Variants in CACNG2 observed in about 807,000 individuals in gnomAD.
CACNG2 encodes calcium voltage-gated channel auxiliary subunit gamma 2, also known as voltage-dependent calcium channel gamma-2 subunit.
CACNG2 carries 3 observed loss-of-function variants against 25.9 expected under a neutral mutation model. The ratio of observed to expected loss-of-function variants is 0.12; its 90% CI spans 0.05 to 0.30. The LOEUF is 0.30. Ranked by LOEUF, CACNG2 falls within the 10% of genes least tolerant of loss-of-function variation. CACNG2 has a pLI of 1.00. For missense variants in CACNG2, 341 were observed against 432.5 expected (o/e 0.79, Z 1.88); for synonymous variants, 167 against 173.3 (o/e 0.96, Z 0.29).
chr22:36,651,224 C>CTTTTTTTTTTTTTT (rs11411019), intron 1 of CACNG2, among the ~76,000 whole-genome samples: 1 of 83,112 alleles, frequency 1.2e-5, no homozygotes, highest in Non-Finnish European at 2.2e-5. Context: ...CTTCTTCCTC[C>CTTTTTTTTTTTTTT]TTTTTTTTTT....
chr22:36,616,062 A>T (rs981623649), intron 1 of CACNG2, among the ~76,000 whole-genome samples: 2 of 152,074 alleles, frequency 1.3e-5, no homozygotes, highest in East Asian at 3.9e-4. Context: ...CAACTCAGAA[A>T]CTTATGTCAT....
intron 1 of CACNG2, among the ~76,000 whole-genome samples, chr22:36,644,837 G>C (rs1222138966): frequency 6.6e-6 from 1 of 151,840 alleles, no homozygotes; most frequent in Non-Finnish European, 1.5e-5. Flanking sequence ...TTTAAAGTTG[G>C]TTATATTCCT....
intron 1 of CACNG2, among the ~76,000 whole-genome samples, chr22:36,598,907 G>A (rs1318710652): frequency 6.6e-6 from 1 of 152,160 alleles, no homozygotes; most frequent in Non-Finnish European, 1.5e-5. Flanking sequence ...GAACCTGGGA[G>A]GCGGAGGTTG....
chr22:36,659,844 C>G (rs916980277), intron 1 of CACNG2, among the ~76,000 whole-genome samples: 1 of 152,132 alleles, frequency 6.6e-6, no homozygotes, highest in Non-Finnish European at 1.5e-5. Flanking sequence ...CTGCCACCCC[C>G]GAGAGGAGGC....
chr22:36,629,629 G>C (rs1936237643), intron 1 of CACNG2, among the ~76,000 whole-genome samples: 1 of 151,982 alleles, frequency 6.6e-6, no homozygotes. Context: ...GCAGGTAAAG[G>C]GGGCCAGGTG....
intron 1 of CACNG2, among the ~76,000 whole-genome samples, chr22:36,666,858 C>T (rs372428557): frequency 3.5e-4 from 54 of 152,228 alleles, no homozygotes; most frequent in African/African-American, 1.3e-3. Flanking sequence ...ATCCTGTCCC[C>T]CACTAGACCG....
chr22:36,573,328 A>AATT (rs144843122), intron 2 of CACNG2, among the ~76,000 whole-genome samples: 10,437 of 151,810 alleles, frequency 0.069, 672 homozygotes, highest in African/African-American at 0.17. Context: ...TTTACTTTTT[A>AATT]ATTATTATTA....
chr22:36,629,602 G>A (rs1223048030), intron 1 of CACNG2, among the ~76,000 whole-genome samples: 1 of 151,922 alleles, frequency 6.6e-6, no homozygotes, highest in Non-Finnish European at 1.5e-5. Context: ...TGAACTTGAA[G>A]GACATGAAGG....
chr22:36,629,453 T>A (rs1462237181), intron 1 of CACNG2, among the ~76,000 whole-genome samples: 1 of 151,842 alleles, frequency 6.6e-6, no homozygotes, highest in Non-Finnish European at 1.5e-5. Context: ...CAGTAAATGC[T>A]GGGTGTTATT....
chr22:36,589,851 C>A lies in CACNG2; in HGVS notation c.212-2303G>T, dbSNP rs114596193. Among the ~76,000 whole-genome samples the A allele has an allele frequency of 2.6e-3, 390 of 152,322 alleles. 2 individuals carry two copies. The highest frequency in any genetic ancestry group is 9.2e-3 in the African/African-American group (381 of 41,570). ...CACCCTTCTCTGTGGGAAAAGTCTT[C>A]ATACCAGCTGCTAAGAGGATAACAA... On this transcript the variant is annotated intron_variant, in intron 1 of 3. Coordinates refer to ENST00000300105, the MANE Select transcript of CACNG2 (RefSeq NM_006078.5).
intron 1 of CACNG2, among the ~76,000 whole-genome samples, chr22:36,607,316 C>T (rs1047500395): frequency 2.0e-5 from 3 of 152,152 alleles, no homozygotes; most frequent in South Asian, 2.1e-4. Flanking sequence ...GGCACAATCA[C>T]GGCTCACTGC....
At chr22:36,657,870 C>T (rs1182903076) in intron 1 of CACNG2, among the ~76,000 whole-genome samples, 1 of 151,962 alleles carries the variant, frequency 6.6e-6, no homozygotes, top group African/African-American at 2.4e-5. Context: ...TAGTAAAATC[C>T]TAGTGTGGTT....
At chr22:36,685,531 C>G (rs1374481441) in intron 1 of CACNG2, among the ~76,000 whole-genome samples, 1 of 152,222 alleles carries the variant, frequency 6.6e-6, no homozygotes, top group East Asian at 1.9e-4. Flanking sequence ...CCACACCACA[C>G]GTTCTGCCTC....
chr22:36,676,945 T>TGTGTGTGC (rs1200388157), intron 1 of CACNG2, among the ~76,000 whole-genome samples: 1 of 149,232 alleles, frequency 6.7e-6, no homozygotes, highest in Non-Finnish European at 1.5e-5. Context: ...TGTGTGTGTG[T>TGTGTGTGC]GTGTGTGTGT....
intron 1 of CACNG2, among the ~76,000 whole-genome samples, chr22:36,610,906 A>G (rs754253623): frequency 2.6e-5 from 4 of 151,346 alleles, no homozygotes; most frequent in Admixed American, 6.6e-5. Context: ...CCCCAAGGCT[A>G]CTCCCCACCT....
intron 1 of CACNG2, among the ~76,000 whole-genome samples, chr22:36,601,755 T>G (rs571157545): frequency 3.3e-5 from 5 of 152,318 alleles, no homozygotes; most frequent in African/African-American, 1.2e-4. Context: ...AGGGCTGAGA[T>G]TACAAGCGTG....
intron 2 of CACNG2, among the ~76,000 whole-genome samples, chr22:36,572,350 C>T (rs1935246520): frequency 6.6e-6 from 1 of 152,154 alleles, no homozygotes; most frequent in Admixed American, 6.5e-5. Context: ...CATATGGTCT[C>T]AGTTGCAATT....
chr22:36,601,099 T>C (rs1359502916), intron 1 of CACNG2, among the ~76,000 whole-genome samples: 1 of 152,200 alleles, frequency 6.6e-6, no homozygotes. Flanking sequence ...TTGTTCACCC[T>C]GTATATTTGC....
chr22:36,605,464 C>T (rs1313795279), intron 1 of CACNG2, among the ~76,000 whole-genome samples: 5 of 152,262 alleles, frequency 3.3e-5, no homozygotes, highest in African/African-American at 7.2e-5. Flanking sequence ...GATCCAGAAC[C>T]GAATCCTCAG....
Sources: allele counts gnomAD v4.1 joint callset (sites outside exome capture counted in the v4.1 genomes callset), GRCh38; gene constraint gnomAD v4.1.1; transcripts MANE v1.5; gene names NCBI Gene and HGNC (gene_info 2026-07-23, HGNC 2026-07-21).